The following OTUD6B variants were observed in gnomAD, a reference collection of about 807,000 sequenced individuals.
OTUD6B encodes OTU deubiquitinase 6B.
In OTUD6B, 41 loss-of-function variants were observed where a neutral mutation model predicts 36.9. The observed-to-expected ratio is 1.11, with a 90% CI of 0.87 to 1.44. The LOEUF is 1.44. Among genes scored for constraint, OTUD6B ranks in the 40% most tolerant of loss-of-function variants. OTUD6B has a pLI of 0.00. For missense variants in OTUD6B, 356 were observed against 344.8 expected (o/e 1.03, Z -0.26); for synonymous variants, 114 against 114.2 (o/e 1.00, Z 0.01).
chr8:91,084,528 C>T (rs1453223101), intron 6 of OTUD6B: 2 of 155,988 alleles, frequency 1.3e-5, no homozygotes, highest in East Asian at 3.9e-4. Context: ...GGCTAGATGA[C>T]AATTTAAGCT....
chr8:91,071,429 A>G, intron 2 of OTUD6B, 140 bp downstream of exon 2: 1 of 655,990 alleles, frequency 1.5e-6, no homozygotes, highest in Admixed American at 3.7e-5. Flanking sequence ...GCTCACTGCA[A>G]GCTCCGCCTC....
chr8:91,078,475 A>G lies in OTUD6B; in HGVS notation c.435A>G (p.Arg145=), dbSNP rs766358372. The change falls in exon 4 of 7, where the codon AGA becomes AGG. Residue 145 remains arginine (R), a synonymous_variant. Transcript: ENST00000404789. ...AACTTGCTCAAATATTGGCAGCTAG[A>G]CAGTTAGAAATTAAACAGATTCCAT... is the stretch of plus-strand genomic sequence containing the variant. ...SEKLAQILAA[R]QLEIKQIPSD... 1.2e-6 allele frequency: 2 copies of G among 1,607,122 alleles called. No homozygotes were observed. The highest frequency in any genetic ancestry group is 2.2e-5 in the East Asian group (1 of 44,726).
chr8:91,082,898 A>G (rs1388431917), intron 5 of OTUD6B, among the ~76,000 whole-genome samples: 3 of 151,132 alleles, frequency 2.0e-5, no homozygotes, highest in Admixed American at 1.3e-4. Context: ...TTGTAGAGAC[A>G]TGGTTTTACC....
intron 3 of OTUD6B, among the ~76,000 whole-genome samples, 189 bp downstream of exon 3, chr8:91,074,100 C>T (rs1812757711): frequency 6.6e-6 from 1 of 152,128 alleles, no homozygotes; most frequent in Non-Finnish European, 1.5e-5. Flanking sequence ...GCTTATATGA[C>T]ATCTCATTTA....
At chr8:91,073,002 A>G (rs969319499) in intron 2 of OTUD6B, among the ~76,000 whole-genome samples, 1 of 152,182 alleles carries the variant, frequency 6.6e-6, no homozygotes, top group Non-Finnish European at 1.5e-5. Context: ...AGATGTTTGT[A>G]AATTTTAACA....
chr8:91,079,027 GAA>G (rs1358308025), intron 4 of OTUD6B: 1 of 158,766 alleles, frequency 6.3e-6, no homozygotes, highest in East Asian at 1.8e-4. Flanking sequence ...CATAAGGAGA[GAA>G]TGACTAGGAA....
intron 5 of OTUD6B, among the ~76,000 whole-genome samples, chr8:91,083,035 G>A (rs958953251): frequency 4.0e-5 from 6 of 151,812 alleles, no homozygotes; most frequent in East Asian, 1.9e-4. Context: ...CTTTAAAAAT[G>A]TTAGCATTAA....
intron 4 of OTUD6B, 119 bp downstream of exon 4, chr8:91,078,787 C>A: frequency 1.8e-6 from 1 of 569,684 alleles, no homozygotes; most frequent in Non-Finnish European, 3.0e-6. Flanking sequence ...GAAAAAACAT[C>A]ACAAGATTTA....
At chr8:91,082,983 A>G (rs773272474) in intron 5 of OTUD6B, among the ~76,000 whole-genome samples, 139 of 151,924 alleles carry the variant, frequency 9.1e-4, no homozygotes, top group Non-Finnish European at 1.6e-3. Context: ...TGCTGGAATT[A>G]TGGGTGTGAG....
intron 3 of OTUD6B, among the ~76,000 whole-genome samples, chr8:91,076,976 G>C (rs563075086): frequency 6.6e-6 from 1 of 152,116 alleles, no homozygotes; most frequent in East Asian, 1.9e-4. Flanking sequence ...TAACAGGCAA[G>C]TAGTACAGGT....
At chr8:91,080,943 C>T (rs1408520213) in intron 5 of OTUD6B, among the ~76,000 whole-genome samples, 1 of 152,102 alleles carries the variant, frequency 6.6e-6, no homozygotes, top group Non-Finnish European at 1.5e-5. Context: ...AACACTATTA[C>T]ATTTTAAATA....
chr8:91,071,953 A>G (rs1812709785), intron 2 of OTUD6B, among the ~76,000 whole-genome samples: 1 of 152,202 alleles, frequency 6.6e-6, no homozygotes, highest in Non-Finnish European at 1.5e-5. Context: ...CATATATAAT[A>G]CGATACAAAT....
chr8:91,072,872 G>A (rs888777334), intron 2 of OTUD6B, among the ~76,000 whole-genome samples: 1 of 152,140 alleles, frequency 6.6e-6, no homozygotes, highest in African/African-American at 2.4e-5. Flanking sequence ...ATTTTAGTTT[G>A]AACTATTTAT....
At chr8:91,072,983 T>A (rs991355280) in intron 2 of OTUD6B, among the ~76,000 whole-genome samples, 1 of 152,236 alleles carries the variant, frequency 6.6e-6, no homozygotes, top group African/African-American at 2.4e-5. Context: ...TCTTGCCTAT[T>A]GTCAATATAG....
intron 5 of OTUD6B, 123 bp from the exon 6 acceptor site, chr8:91,083,885 C>T: frequency 1.7e-6 from 2 of 1,148,276 alleles, no homozygotes; most frequent in Non-Finnish European, 2.4e-6. Context: ...CAGTATATAC[C>T]AGGCTCTCTG....
chr8:91,084,872 A>G lies in OTUD6B; in HGVS notation c.*4A>G, dbSNP rs1812982087. ...AGTTACTGAAAATTGCAGCTAATTT[A>G]TACAATGTTGTACAATTATGTTTTA... On this transcript the variant is annotated 3_prime_UTR_variant, in exon 7 of 7. Coordinates refer to ENST00000404789, the MANE Select transcript of OTUD6B (RefSeq NM_016023.5). 1 of 1,433,788 alleles carries G rather than the reference A, an allele frequency of 7.0e-7. No homozygotes were observed. The highest frequency in any genetic ancestry group is 1.2e-5 in the South Asian group (1 of 80,796). 88.8% of individuals were successfully genotyped at this position (1,433,788 alleles called of 1,614,324 possible).
chr8:91,080,721 T>G lies in OTUD6B; in HGVS notation c.681T>G (p.Gly227=). 2.5e-6 allele frequency: 4 copies of G among 1,599,888 alleles called. No homozygotes were observed. The highest frequency in any genetic ancestry group is 3.4e-6 in the Non-Finnish European group (4 of 1,171,974). Residue 227 remains glycine, a synonymous_variant, in exon 5 of 7, where the codon GGT becomes GGG. Coordinates refer to ENST00000404789, the MANE Select transcript of OTUD6B (RefSeq NM_016023.5). ...TTGTAAACACAGCTGCATGGGGAGGTCAGCTTGAGGTAAGTTTGTAGTTAT... is the reference window on the plus strand; with the variant it reads ...TTGTAAACACAGCTGCATGGGGAGGGCAGCTTGAGGTAAGTTTGTAGTTAT... ...EDIVNTAAWG[G]QLELRALSHI...
At chr8:91,084,756 A>C in intron 6 of OTUD6B, 28 bp from the exon 7 acceptor site, 1 of 1,430,948 alleles carries the variant, frequency 7.0e-7, no homozygotes, top group Non-Finnish European at 9.4e-7. Context: ...CATCAAAACT[A>C]CTCATTTCTT....
At chr8:91,072,929 A>C (rs1812727129) in intron 2 of OTUD6B, among the ~76,000 whole-genome samples, 1 of 152,184 alleles carries the variant, frequency 6.6e-6, no homozygotes, top group South Asian at 2.1e-4. Context: ...TACTACCAAA[A>C]ACTAATGCCA....
Sources: allele counts gnomAD v4.1 joint callset (sites outside exome capture counted in the v4.1 genomes callset), GRCh38; gene constraint gnomAD v4.1.1; transcripts MANE v1.5; gene names NCBI Gene and HGNC (gene_info 2026-07-23, HGNC 2026-07-21).